Variants in TEDC1 observed in about 807,000 individuals in gnomAD.
TEDC1 encodes the protein tubulin epsilon and delta complex protein 1.
A neutral mutation model predicts 59.9 loss-of-function variants in TEDC1; 54 were observed. That is an observed-to-expected ratio of 0.90 (90% CI 0.72 to 1.13). The LOEUF (loss-of-function observed/expected upper bound fraction) is 1.13, where lower values mean the gene tolerates loss of function less well. TEDC1 is among the 50% of genes most tolerant of loss of function. The pLI, the probability that TEDC1 is intolerant of heterozygous loss-of-function variation, is 0.00. For synonymous variants in TEDC1, 353 were observed against 298.1 expected (o/e 1.18, Z -1.90); for missense variants, 734 against 683.4 (o/e 1.07, Z -0.83).
chr14:105,497,293 C>T (rs2084368174), intron 6 of TEDC1, 64 bp from the exon 7 acceptor site: 4 of 1,473,720 alleles, frequency 2.7e-6, no homozygotes, highest in Non-Finnish European at 3.7e-6. Context: ...TCCAGCTGTC[C>T]ATCCGACTGT....
intron 5 of TEDC1, 166 bp from the exon 6 acceptor site, chr14:105,495,714 G>A (rs2084329180): frequency 1.6e-6 from 1 of 630,386 alleles, no homozygotes; most frequent in Non-Finnish European, 2.7e-6. Context: ...CTGGGTTGGG[G>A]CAGAGGAGAG....
rs2084414851 is a variant in TEDC1, at chr14:105,499,132, C to A, written c.*186C>A. The A allele has an allele frequency of 3.1e-6, 2 of 653,664 alleles. No homozygotes were observed. The highest frequency in any genetic ancestry group is 5.2e-6 in the Non-Finnish European group (2 of 386,278). 40.5% of individuals were successfully genotyped at this position (653,664 alleles called of 1,614,324 possible). On this transcript the variant is annotated 3_prime_UTR_variant, in exon 9 of 9. Coordinates refer to ENST00000392523, the MANE Select transcript of TEDC1 (RefSeq NM_001367178.1). ...GATCCCAGGCCTGTGGCTAGCAGCA[C>A]TGGGGACAGGAATGGCTGGTCCCTT...
Position 105,492,081 on chromosome 14 carries a change from C to T in TEDC1, c.227-26C>T, listed in dbSNP as rs587673531. 1.9e-6 allele frequency: 3 copies of T among 1,565,682 alleles called. No individual in the cohort carries two copies. The South Asian group carries it at 3.5e-5, about 18-fold the overall frequency. On this transcript the variant is annotated intron_variant, in intron 2 of 8. Coordinates refer to ENST00000392523, the MANE Select transcript of TEDC1 (RefSeq NM_001367178.1). ...GTGTCACCTCCAGGTGGGTGGTCCCCCTAAGGTGGTGGTCTTCTGTCCTAG... is the reference window on the plus strand; with the variant it reads ...GTGTCACCTCCAGGTGGGTGGTCCCTCTAAGGTGGTGGTCTTCTGTCCTAG...
At position 105,491,446 on chromosome 14, in the gene TEDC1, C is replaced by T; in HGVS notation, c.71C>T (p.Ala24Val). ...GCCGGGGCCCTGCCTGAGGCCATCG[C>T]CGCGTTGAGTCGGTCGCTGCCCTCG... ...ARAGALPEAI[A>V]ALSRSLPSGP... Residue 24 changes from alanine (A) to valine (V), a missense_variant, in exon 1 of 9, where the codon GCC becomes GTC. Physicochemically the swap from Ala to Val is moderately conservative, Grantham distance 64. Transcript: ENST00000392523. The T allele has an allele frequency of 6.9e-7, 1 of 1,454,446 alleles. No homozygotes were observed. The highest frequency in any genetic ancestry group is 1.4e-5 in the South Asian group (1 of 71,788). The allele number at this position is 1,454,446 out of a possible 1,614,324, so 90.1% of individuals were successfully genotyped here.
chr14:105,490,927 T>A, upstream of TEDC1: 1 of 1,121,892 alleles, frequency 8.9e-7, no homozygotes, highest in South Asian at 1.3e-5. Flanking sequence ...GTGTCGGGTG[T>A]CGTGACGATT....
In TEDC1 at chr14:105,492,407, C is replaced by T. The variant is rs587605781; in HGVS notation, c.429+98C>T. The T allele has an allele frequency of 2.0e-5, 31 of 1,536,446 alleles. No individual in the cohort carries two copies. In the African/African-American group the frequency reaches 3.1e-4, roughly 15 times the overall value. The stretch of plus-strand genomic sequence containing the variant: ...GTCAGCCCCCTCTGTCTGCTTTGCT[C>T]CTCAGGGCAGTCCCATGAAGGGTTA... On this transcript the variant is annotated intron_variant, in intron 3 of 8. Transcript: ENST00000392523.
Position 105,499,199 on chromosome 14 carries a change from C to T in TEDC1, c.*253C>T, listed in dbSNP as rs1166227786. The T allele has an allele frequency of 3.6e-6, 2 of 562,396 alleles. No individual in the cohort carries two copies. Among genetic ancestry groups the T allele is most frequent in the Non-Finnish European group, 6.3e-6 (2 of 317,920 alleles). The allele number at this position is 562,396 out of a possible 1,614,324, so 34.8% of individuals were successfully genotyped here. On this transcript the variant is annotated 3_prime_UTR_variant, in exon 9 of 9. Coordinates refer to ENST00000392523, the MANE Select transcript of TEDC1 (RefSeq NM_001367178.1). Reference sequence around the variant, plus strand: ...GCTCAGCCTGGTGGTCTGGAGGGGACTCGGAAATAAATTGTAGCAGCTTTC... The same window carrying T: ...GCTCAGCCTGGTGGTCTGGAGGGGATTCGGAAATAAATTGTAGCAGCTTTC...
rs1555440008 is a variant in TEDC1 at position 105,493,947 on chromosome 14, AGCTGCT to A, written c.684+17_684+22del. ...GGAGGCCAGCAGGTGAGGGCGGGCA[AGCTGCT>A]GCGGGGGGGTGGGGGTGGGCTGGGG... On this transcript the variant is annotated intron_variant, in intron 5 of 8. Transcript: ENST00000392523. 1 of 481,738 alleles carries A rather than the reference AGCTGCT, an allele frequency of 2.1e-6. No individual in the cohort carries two copies. The highest frequency in any genetic ancestry group is 3.3e-5 in the Admixed American group (1 of 30,426). The allele number at this position is 481,738 out of a possible 1,614,324, so 29.8% of individuals were successfully genotyped here.
rs2084401103 is a variant in TEDC1 at position 105,498,642 on chromosome 14, A to G, written c.1184A>G (p.Glu395Gly). 11 of 1,552,546 alleles carry G rather than the reference A, an allele frequency of 7.1e-6. No homozygotes were observed. Among genetic ancestry groups the G allele is most frequent in the Non-Finnish European group, 8.7e-6 (10 of 1,148,294 alleles). ...GCTGGAGGCTGTGGACGGGGGCCAG[A>G]GTGGAGTGCCGCGCGGCGGGCCTCT... ...AKAGGCGRGP[E>G]WSAARRASRE... Residue 395 changes from glutamate to glycine, a missense_variant, in exon 9 of 9, where the codon GAG becomes GGG. Physicochemically the swap from Glu to Gly is moderately conservative, Grantham distance 98 (BLOSUM62 -2). Coordinates refer to ENST00000392523, the MANE Select transcript of TEDC1 (RefSeq NM_001367178.1).
chr14:105,492,861 C>T (rs1339015006), intron 4 of TEDC1, 127 bp downstream of exon 4: 1 of 1,306,654 alleles, frequency 7.7e-7, no homozygotes, highest in South Asian at 1.5e-5. Flanking sequence ...CCTTCCTGCC[C>T]TGGCTTACCC....
rs781999003 is a variant in TEDC1 at position 105,498,789 on chromosome 14, G to T, written c.1331G>T (p.Arg444Leu). 3 of 1,581,888 alleles carry T rather than the reference G, an allele frequency of 1.9e-6. No individual in the cohort carries two copies. Among genetic ancestry groups the T allele is most frequent in the Admixed American group, 1.8e-5 (1 of 54,100 alleles). The change falls in exon 9 of 9, where the codon CGG becomes CTG. Residue 444 changes from arginine to leucine, a missense_variant. Arg to Leu is a moderately radical substitution (Grantham distance 102, BLOSUM62 -2). Coordinates refer to ENST00000392523, the MANE Select transcript of TEDC1 (RefSeq NM_001367178.1). The part of the protein sequence containing the change: ...VRREDGAAGD[R>L]DLRAAVVIRT... ...CGAGAGGATGGGGCAGCAGGGGACC[G>T]GGACCTGCGGGCAGCTGTGGTGATC...
chr14:105,497,740 C>T, intron 7 of TEDC1, 58 bp from the exon 8 acceptor site: 1 of 1,460,776 alleles, frequency 6.8e-7, no homozygotes, highest in East Asian at 2.5e-5. Context: ...GCCCTCTTTG[C>T]CCTCTGTCCC....
intron 7 of TEDC1, 42 bp downstream of exon 7, chr14:105,497,485 C>T: frequency 1.3e-6 from 2 of 1,531,592 alleles, no homozygotes; most frequent in Non-Finnish European, 1.8e-6. Context: ...TCCCTTCCCA[C>T]AGCAGCCCCC....
At chr14:105,498,109 C>A in intron 8 of TEDC1, 132 bp downstream of exon 8, 1 of 1,175,390 alleles carries the variant, frequency 8.5e-7, no homozygotes, top group Non-Finnish European at 1.1e-6. Flanking sequence ...CTTAGAGGCA[C>A]GTACCCTGAG....
In TEDC1 at chr14:105,491,448, G is replaced by A. The variant is rs1555439233; in HGVS notation, c.73G>A (p.Ala25Thr). 1.4e-6 allele frequency: 2 copies of A among 1,456,478 alleles called. No homozygotes were observed. The highest frequency in any genetic ancestry group is 1.5e-5 in the African/African-American group (1 of 68,704). The allele number at this position is 1,456,478 out of a possible 1,614,324, so 90.2% of individuals were successfully genotyped here. ...RAGALPEAIA[A>T]LSRSLPSGPS... is the part of the protein sequence containing the mutation. ...CGGGGCCCTGCCTGAGGCCATCGCC[G>A]CGTTGAGTCGGTCGCTGCCCTCGGG... Residue 25 changes from alanine (A) to threonine (T), a missense_variant, in exon 1 of 9, where the codon GCG becomes ACG. By Grantham distance (58) the Ala-to-Thr change is moderately conservative. Coordinates refer to ENST00000392523, the MANE Select transcript of TEDC1 (RefSeq NM_001367178.1).
chr14:105,495,636 C>T (rs2084326862), intron 5 of TEDC1: 1 of 506,240 alleles, frequency 2.0e-6, no homozygotes, highest in African/African-American at 1.9e-5. Context: ...GCGTCCTGGT[C>T]TGCCCTTGTC....
At chr14:105,492,391 C>T (rs587672374) in intron 3 of TEDC1, 82 bp downstream of exon 3, 45 of 1,555,762 alleles carry the variant, frequency 2.9e-5, no homozygotes, top group Middle Eastern at 4.7e-4. Flanking sequence ...GGTCAGCCCC[C>T]TCTGTCTGCT....
Position 105,491,325 on chromosome 14 carries a change from C to A in TEDC1, c.-51C>A. On this transcript the variant is annotated 5_prime_UTR_variant, in exon 1 of 9. Coordinates refer to ENST00000392523, the MANE Select transcript of TEDC1 (RefSeq NM_001367178.1). ...GGCCCGTGCGGTGATTGGACGCAGG[C>A]CCCGGGCCGCGGCGGAGGCGGGCGA... 1.4e-6 allele frequency: 2 copies of A among 1,468,828 alleles called. No homozygotes were observed. The highest frequency in any genetic ancestry group is 1.4e-5 in the South Asian group (1 of 73,776). 91.0% of individuals were successfully genotyped at this position (1,468,828 alleles called of 1,614,324 possible). A position where few individuals can be genotyped will look rare whatever the true frequency, so the allele number is the denominator to read the frequency against.
Position 105,491,671 on chromosome 14 carries a change from C to T in TEDC1, c.197C>T (p.Ala66Val), listed in dbSNP as rs1555439363. Residue 66 changes from alanine (A) to valine (V), a missense_variant, in exon 2 of 9, where the codon GCG becomes GTG. Physicochemically the swap from Ala to Val is moderately conservative, Grantham distance 64. Transcript: ENST00000392523. ...TTCCGTGTGCTCTCGCCACTCCCTG[C>T]GGGCAACGCCTTGGCATCGCTCGCC... ...LLFRVLSPLP[A>V]GNALASLALE... is the part of the protein sequence containing the mutation. The T allele has an allele frequency of 6.5e-7, 1 of 1,549,516 alleles. No homozygotes were observed.
Sources: gnomAD v4.1 joint callset for allele counts on GRCh38, gnomAD v4.1.1 for gene constraint, MANE v1.5 for transcripts, NCBI Gene and HGNC (gene_info 2026-07-23, HGNC 2026-07-21) for gene names.